Variants in MSRA observed in about 807,000 individuals in gnomAD.
The protein encoded by MSRA is mitochondrial peptide methionine sulfoxide reductase.
Under a neutral mutation model 31.3 loss-of-function variants are expected in MSRA, and 54 were observed. That is an observed-to-expected ratio of 1.73 (90% CI 1.39 to 2.17). MSRA has a LOEUF of 2.17. Ranked by LOEUF, MSRA falls within the 30% of genes most tolerant of loss-of-function variation. The pLI is 0.00. For missense variants in MSRA, 507 were observed against 300.9 expected, an observed-to-expected ratio of 1.69 and a Z score of -5.07; for synonymous variants, 169 against 116.5, an observed-to-expected ratio of 1.45 and a Z score of -2.90.
chr8:10,207,949 G>C, intron 2 of MSRA, 48 bp downstream of exon 2: 4 of 1,493,516 alleles, frequency 2.7e-6, no homozygotes, highest in Non-Finnish European at 3.7e-6. Context: ...GCAAAGACTA[G>C]TGCCAAATTT....
chr8:10,159,383 C>T (rs1024631424), intron 1 of MSRA, among the ~76,000 whole-genome samples: 1 of 152,120 alleles, frequency 6.6e-6, no homozygotes, highest in South Asian at 2.1e-4. Flanking sequence ...TGGAGGCAGA[C>T]ATTTGGGAAT....
At chr8:10,207,364 T>G (rs990712497) in intron 1 of MSRA, among the ~76,000 whole-genome samples, 2 of 152,192 alleles carry the variant, frequency 1.3e-5, no homozygotes, top group African/African-American at 2.4e-5. Context: ...GCTATTGTGT[T>G]TTTTGAAAAA....
intron 5 of MSRA, among the ~76,000 whole-genome samples, chr8:10,349,511 G>A (rs1054545414): frequency 1.3e-5 from 2 of 152,064 alleles, no homozygotes; most frequent in South Asian, 2.1e-4. Context: ...CTCTGCTTCC[G>A]CATGGCATCT....
intron 1 of MSRA, among the ~76,000 whole-genome samples, chr8:10,078,999 A>G (rs1798141603): frequency 6.6e-6 from 1 of 152,126 alleles, no homozygotes; most frequent in Admixed American, 6.5e-5. Flanking sequence ...GGCGTGCTGG[A>G]CATTCGTGTT....
chr8:10,078,171 A>G (rs1038893940), intron 1 of MSRA, among the ~76,000 whole-genome samples: 7 of 152,212 alleles, frequency 4.6e-5, no homozygotes, highest in Non-Finnish European at 8.8e-5. Flanking sequence ...AGAGGTGAGC[A>G]CTATAAAGAT....
At chr8:10,148,956 AAT>A (rs1491491547) in intron 1 of MSRA, among the ~76,000 whole-genome samples, 1 of 70,530 alleles carries the variant, frequency 1.4e-5, no homozygotes, top group African/African-American at 5.1e-5. Flanking sequence ...GTCGCTGGTA[AAT>A]TTTTTTTTTT....
At chr8:10,417,952 C>G (rs1808583079) in intron 5 of MSRA, among the ~76,000 whole-genome samples, 1 of 152,134 alleles carries the variant, frequency 6.6e-6, no homozygotes. Context: ...CTAGAATCCA[C>G]ATGCCCGCGT....
At chr8:10,384,970 C>G (rs919797351) in intron 5 of MSRA, among the ~76,000 whole-genome samples, 8 of 151,950 alleles carry the variant, frequency 5.3e-5, no homozygotes, top group African/African-American at 1.9e-4. Flanking sequence ...CCACTGCACT[C>G]CAGCCTGGGT....
At chr8:10,394,575 A>G (rs1239445905) in intron 5 of MSRA, among the ~76,000 whole-genome samples, 1 of 152,210 alleles carries the variant, frequency 6.6e-6, no homozygotes, top group Admixed American at 6.5e-5. Flanking sequence ...CAGAATTCTC[A>G]CATCCATTTC....
intron 1 of MSRA, among the ~76,000 whole-genome samples, chr8:10,153,488 C>T (rs1207034620): frequency 6.7e-6 from 1 of 148,944 alleles, no homozygotes; most frequent in Non-Finnish European, 1.5e-5. Context: ...CTCACACCAG[C>T]GTCTTTCTTC....
At chr8:10,153,397 C>G (rs766061481) in intron 1 of MSRA, among the ~76,000 whole-genome samples, 20 of 152,142 alleles carry the variant, frequency 1.3e-4, no homozygotes, top group Non-Finnish European at 2.5e-4. Flanking sequence ...CTGCTGTATA[C>G]TTTCTTCCTT....
intron 5 of MSRA, among the ~76,000 whole-genome samples, chr8:10,325,493 G>T (rs1042648836): frequency 6.6e-6 from 1 of 152,094 alleles, no homozygotes; most frequent in Non-Finnish European, 1.5e-5. Flanking sequence ...TTGTTTAGCT[G>T]TAGATGTGTA....
At chr8:10,380,166 T>C (rs1413566256) in intron 5 of MSRA, among the ~76,000 whole-genome samples, 1 of 152,244 alleles carries the variant, frequency 6.6e-6, no homozygotes, top group Non-Finnish European at 1.5e-5. Flanking sequence ...CTGCTCTCTC[T>C]TGCCTGTTTT....
intron 5 of MSRA, among the ~76,000 whole-genome samples, chr8:10,390,308 A>T (rs1033489290): frequency 6.6e-6 from 1 of 152,168 alleles, no homozygotes; most frequent in Non-Finnish European, 1.5e-5. Context: ...TCCTGTGCGA[A>T]ATGGGCAGCC....
intron 3 of MSRA, among the ~76,000 whole-genome samples, chr8:10,252,791 G>C (rs183572386): frequency 2.6e-5 from 4 of 152,220 alleles, no homozygotes; most frequent in African/African-American, 9.6e-5. Flanking sequence ...TGATGGCATT[G>C]CAATAAGTAA....
chr8:10,268,452 G>A (rs1311716440), intron 3 of MSRA, among the ~76,000 whole-genome samples: 1 of 152,194 alleles, frequency 6.6e-6, no homozygotes, highest in East Asian at 1.9e-4. Flanking sequence ...CTACTCCCGA[G>A]GTTAGGGTGG....
At chr8:10,281,500 A>T (rs1390531384) in intron 3 of MSRA, among the ~76,000 whole-genome samples, 1 of 152,252 alleles carries the variant, frequency 6.6e-6, no homozygotes, top group Non-Finnish European at 1.5e-5. Context: ...ACTAACAAGC[A>T]CACCCGACCT....
chr8:10,236,337 TTCTG>T (rs1021163002), intron 2 of MSRA, among the ~76,000 whole-genome samples: 1 of 152,102 alleles, frequency 6.6e-6, no homozygotes, highest in African/African-American at 2.4e-5. Context: ...GAATATAACT[TTCTG>T]TATAGGAAAT....
chr8:10,215,235 A>C (rs542065926), intron 2 of MSRA, among the ~76,000 whole-genome samples: 1 of 152,338 alleles, frequency 6.6e-6, no homozygotes, highest in South Asian at 2.1e-4. Context: ...AAGGTTATGG[A>C]GGAGTCTGTA....
Sources: allele counts gnomAD v4.1 joint callset (sites outside exome capture counted in the v4.1 genomes callset), GRCh38; gene constraint gnomAD v4.1.1; transcripts MANE v1.5; gene names NCBI Gene and HGNC (gene_info 2026-07-23, HGNC 2026-07-21).